Variants in RUFY2 observed in about 807,000 individuals in gnomAD.
RUFY2 encodes the protein RUN and FYVE domain containing 2.
RUFY2 carries 49 observed loss-of-function variants against 94.4 expected under a neutral mutation model. The ratio of observed to expected loss-of-function variants is 0.52; its 90% CI spans 0.41 to 0.66. RUFY2 has a LOEUF of 0.66. Among genes scored for constraint, RUFY2 ranks in the 30% least tolerant of loss-of-function variants. The probability of loss-of-function intolerance (pLI) is 0.00; values close to 1 mark genes in which losing one functional copy is unlikely to be tolerated. For missense variants in RUFY2, 541 were observed against 692.8 expected (o/e 0.78, Z 2.46); for synonymous variants, 255 against 235.7 (o/e 1.08, Z -0.75).
intron 13 of RUFY2, among the ~76,000 whole-genome samples, chr10:68,376,415 G>A (rs1273414078): frequency 7.9e-6 from 1 of 126,270 alleles, no homozygotes; most frequent in African/African-American, 2.9e-5. Flanking sequence ...GGCAACAAGA[G>A]TGAAACTTCA....
At chr10:68,377,446 T>G in intron 12 of RUFY2, 1 of 995,204 alleles carries the variant, frequency 1.0e-6, no homozygotes, top group Non-Finnish European at 1.2e-6. Context: ...GACCTGCAAT[T>G]ACTCCAAATG....
intron 3 of RUFY2, among the ~76,000 whole-genome samples, chr10:68,399,308 G>C (rs888546516): frequency 3.3e-5 from 5 of 151,846 alleles, no homozygotes; most frequent in Non-Finnish European, 7.4e-5. Flanking sequence ...AGCCTCCAAA[G>C]TTCTGGGATT....
In RUFY2 at chr10:68,357,479, G is replaced by A. The variant is rs187789261; in HGVS notation, c.1551-2078C>T. On this transcript the variant is annotated intron_variant, in intron 15 of 17. Coordinates refer to ENST00000602465, the MANE Select transcript of RUFY2 (RefSeq NM_001330103.2). ...CCTGACCTCAGGTGATCCACCCGCC[G>A]CCTCGGCCTCCCAAAGTGCTAGGAT... Among the ~76,000 whole-genome samples, 11 of 152,018 alleles carry A rather than the reference G, an allele frequency of 7.2e-5. No homozygotes were observed. The East Asian group carries it at 1.9e-3, about 27-fold the overall frequency.
chr10:68,353,330 CG>C (rs200004775), intron 16 of RUFY2, among the ~76,000 whole-genome samples: 6 of 132,620 alleles, frequency 4.5e-5, no homozygotes, highest in East Asian at 2.1e-4. Context: ...GACCCTGTCT[CG>C]AAAAAAAAAA....
Position 68,407,190 on chromosome 10 carries a change from G to C in RUFY2, c.-1C>G, listed in dbSNP as rs1157139090. On this transcript the variant is annotated 5_prime_UTR_variant, in exon 1 of 18. Coordinates refer to ENST00000602465, the MANE Select transcript of RUFY2 (RefSeq NM_001330103.2). ...GTTTCGGCCCGCTCGCCTTACCCAT[G>C]GCGGCGGCGGCTGCGCGGTCTCGGG... The C allele has an allele frequency of 7.1e-7, 1 of 1,398,938 alleles. No individual in the cohort carries two copies. The highest frequency in any genetic ancestry group is 9.3e-7 in the Non-Finnish European group (1 of 1,081,046). 86.7% of individuals were successfully genotyped at this position (1,398,938 alleles called of 1,614,324 possible).
chr10:68,387,328 G>A (rs371810230), intron 7 of RUFY2, among the ~76,000 whole-genome samples: 61 of 152,240 alleles, frequency 4.0e-4, no homozygotes, highest in African/African-American at 1.4e-3. Context: ...CTGTACTCCA[G>A]CCTGGGCAAC....
intron 13 of RUFY2, among the ~76,000 whole-genome samples, chr10:68,370,082 G>A (rs1433318525): frequency 2.6e-5 from 4 of 152,036 alleles, no homozygotes; most frequent in African/African-American, 7.2e-5. Flanking sequence ...TCAGGAGCTC[G>A]AGACCAGCCT....
chr10:68,349,155 C>T (rs2046482400), intron 16 of RUFY2, among the ~76,000 whole-genome samples: 1 of 152,118 alleles, frequency 6.6e-6, no homozygotes. Flanking sequence ...ACAAGGTTTC[C>T]GATAACTCTT....
In RUFY2 at chr10:68,363,974, C is replaced by T; in HGVS notation, c.1455+10G>A. The T allele has an allele frequency of 1.3e-6, 2 of 1,546,434 alleles. No homozygotes were observed. Among genetic ancestry groups the T allele is most frequent in the South Asian group, 1.2e-5 (1 of 83,734 alleles). On this transcript the variant is annotated intron_variant, in intron 14 of 17. Coordinates refer to ENST00000602465, the MANE Select transcript of RUFY2 (RefSeq NM_001330103.2). ...CAAGACAGAATTTTTAAAGTTTTAC[C>T]ACTATTTACTTTTTTAAGACTAATG...
intron 16 of RUFY2, among the ~76,000 whole-genome samples, chr10:68,353,178 A>G (rs1240866862): frequency 6.6e-6 from 1 of 151,776 alleles, no homozygotes; most frequent in African/African-American, 2.4e-5. Flanking sequence ...TAAAACTATA[A>G]AAATTACCCG....
chr10:68,382,249 G>A (rs1164329703), intron 10 of RUFY2, among the ~76,000 whole-genome samples: 1 of 150,592 alleles, frequency 6.6e-6, no homozygotes, highest in African/African-American at 2.4e-5. Flanking sequence ...GTACAGACAG[G>A]GTTTCACCAT....
intron 8 of RUFY2, 119 bp from the exon 9 acceptor site, chr10:68,384,271 T>C (rs2049312464): frequency 7.7e-7 from 1 of 1,294,580 alleles, no homozygotes; most frequent in Non-Finnish European, 1.0e-6. Flanking sequence ...AAAAGGTCTG[T>C]CACATTCACA....
rs941543727 is a variant in RUFY2, at chr10:68,345,381, C to T, written c.*387G>A. ...TAATTTTAAAAGTTTTATGCGTTTC[C>T]AGTTTCAGAACTGTGAAGCTTTAAA... On this transcript the variant is annotated 3_prime_UTR_variant, in exon 18 of 18. Transcript: ENST00000602465. The T allele has an allele frequency of 2.6e-6, 1 of 390,308 alleles. No individual in the cohort carries two copies. The highest frequency in any genetic ancestry group is 2.1e-5 in the African/African-American group (1 of 48,500). The allele number at this position is 390,308 out of a possible 1,614,324, so 24.2% of individuals were successfully genotyped here. A position where few individuals can be genotyped will look rare whatever the true frequency, so the allele number is the denominator to read the frequency against.
chr10:68,399,505 G>A (rs1305080402), intron 3 of RUFY2, among the ~76,000 whole-genome samples: 2 of 152,116 alleles, frequency 1.3e-5, no homozygotes, highest in African/African-American at 4.8e-5. Context: ...TGTAAAACAG[G>A]TACCTTATTA....
chr10:68,356,893 C>T (rs1462034911), intron 15 of RUFY2, among the ~76,000 whole-genome samples: 1 of 151,926 alleles, frequency 6.6e-6, no homozygotes, highest in African/African-American at 2.4e-5. Context: ...GATGCGGTCT[C>T]TCATGCCTGT....
At position 68,343,817 on chromosome 10, in the gene RUFY2, A is replaced by T. The variant is rs1346950014; in HGVS notation, c.*1951T>A. ...TGTCATAAAAGCTGCCTAAAAAAAA[A>T]AAAAAAAAAAAAAAAAGCAAGTCAG... is the stretch of plus-strand genomic sequence containing the variant. On this transcript the variant is annotated 3_prime_UTR_variant, in exon 18 of 18. Transcript: ENST00000602465. 3 of 119,964 alleles carry T rather than the reference A, an allele frequency of 2.5e-5. No homozygotes were observed. The highest frequency in any genetic ancestry group is 7.2e-4 in the South Asian group (2 of 2,792). The allele number at this position is 119,964 out of a possible 1,614,324, so 7.4% of individuals were successfully genotyped here.
At chr10:68,342,263 A>G (rs2046012631), downstream of RUFY2, 3 of 489,806 alleles carry the variant, frequency 6.1e-6, no homozygotes, top group East Asian at 1.0e-4. Flanking sequence ...ATAAATTTTT[A>G]TATTCAAACC....
chr10:68,398,109 A>AGAGAC, intron 3 of RUFY2, among the ~76,000 whole-genome samples: 1 of 147,210 alleles, frequency 6.8e-6, no homozygotes, highest in Non-Finnish European at 1.5e-5. Flanking sequence ...CCTGGGCAAC[A>AGAGAC]AGGTAAGATT....
chr10:68,404,744 A>T lies in RUFY2; in HGVS notation c.105T>A (p.Thr35=), dbSNP rs766844555. The change falls in exon 2 of 18, where the codon ACT becomes ACA. Residue 35 remains threonine, a synonymous_variant. Transcript: ENST00000602465. ...GCAAGGGGGGATAGTCAGAATCCAA[A>T]GTGCGGCCAAAGCTCAGAGCAGATT... The part of the protein sequence containing the change: ...LIESALSFGR[T]LDSDYPPLQQ... 11 of 1,613,582 alleles carry T rather than the reference A, an allele frequency of 6.8e-6. No individual in the cohort carries two copies. In the South Asian group the frequency reaches 1.2e-4, roughly 18 times the overall value.
Sources: gnomAD v4.1 joint callset for allele counts (sites outside exome capture counted in the v4.1 genomes callset) on GRCh38, gnomAD v4.1.1 for gene constraint, MANE v1.5 for transcripts, NCBI Gene and HGNC (gene_info 2026-07-23, HGNC 2026-07-21) for gene names.